The following PHF21A variants were observed in gnomAD, a reference collection of about 807,000 sequenced individuals.
PHF21A encodes the protein PHD finger protein 21A, also known as BHC80a.
In PHF21A, 11 loss-of-function variants were observed where a neutral mutation model predicts 82.5. The ratio of observed to expected loss-of-function variants is 0.13; its 90% CI spans 0.08 to 0.22. The LOEUF is 0.22. Ranked by LOEUF, PHF21A falls within the 10% of genes least tolerant of loss-of-function variation. The pLI is 1.00. For synonymous variants in PHF21A, 297 were observed against 302.8 expected (o/e 0.98, Z 0.20); for missense variants, 579 against 837.8 (o/e 0.69, Z 3.81).
At chr11:46,007,531 C>G (rs927861799) in intron 6 of PHF21A, among the ~76,000 whole-genome samples, 2 of 152,112 alleles carry the variant, frequency 1.3e-5, no homozygotes, top group Non-Finnish European at 2.9e-5. Flanking sequence ...CCAGGCTGGT[C>G]TCGAACTCCT....
intron 1 of PHF21A, among the ~76,000 whole-genome samples, chr11:46,092,979 C>T (rs1223554762): frequency 1.3e-5 from 2 of 151,836 alleles, no homozygotes. Context: ...GGTATCAAAC[C>T]CCTGGGCTCA....
chr11:46,006,517 T>C (rs1266765534), intron 6 of PHF21A, among the ~76,000 whole-genome samples: 3 of 152,266 alleles, frequency 2.0e-5, no homozygotes, highest in Non-Finnish European at 2.9e-5. Context: ...TCTAAAAGTT[T>C]ACTGCCACAT....
chr11:46,041,915 G>A (rs1301448303), intron 6 of PHF21A, among the ~76,000 whole-genome samples: 1 of 152,098 alleles, frequency 6.6e-6, no homozygotes, highest in Non-Finnish European at 1.5e-5. Context: ...AGTAAAGACA[G>A]AGCCCAGAAT....
intron 6 of PHF21A, among the ~76,000 whole-genome samples, chr11:46,052,764 T>C (rs1367345075): frequency 6.6e-6 from 1 of 152,358 alleles, no homozygotes; most frequent in Non-Finnish European, 1.5e-5. Flanking sequence ...CTAGTAAGTC[T>C]TTAAATATTT....
chr11:46,114,795 G>A (rs2097267756), intron 1 of PHF21A, among the ~76,000 whole-genome samples: 1 of 152,146 alleles, frequency 6.6e-6, no homozygotes, highest in South Asian at 2.1e-4. Context: ...TGGATCTGCA[G>A]CAGAAAAAAA....
intron 11 of PHF21A, 80 bp from the exon 12 acceptor site, chr11:45,950,337 AGGGAAAG>A: frequency 8.3e-7 from 1 of 1,211,232 alleles, no homozygotes; most frequent in Non-Finnish European, 1.2e-6. Context: ...GTAGGACATT[AGGGAAAG>A]CCAGCCCAAT....
chr11:46,004,019 T>A (rs2095226464), intron 6 of PHF21A, among the ~76,000 whole-genome samples: 1 of 152,190 alleles, frequency 6.6e-6, no homozygotes, highest in African/African-American at 2.4e-5. Context: ...GTGATATTTT[T>A]AGAAAAGTGG....
chr11:45,938,019 G>T, intron 16 of PHF21A, 138 bp downstream of exon 16: 1 of 681,590 alleles, frequency 1.5e-6, no homozygotes, highest in Non-Finnish European at 2.4e-6. Context: ...TGCGTGCTGT[G>T]TCATAAACAG....
chr11:46,013,845 GA>G, intron 6 of PHF21A, among the ~76,000 whole-genome samples: 1 of 152,210 alleles, frequency 6.6e-6, no homozygotes, highest in South Asian at 2.1e-4. Context: ...TACGAAAGAT[GA>G]AAAACGGTAA....
intron 6 of PHF21A, among the ~76,000 whole-genome samples, chr11:46,054,912 G>GA (rs1439748270): frequency 1.3e-5 from 2 of 152,040 alleles, no homozygotes; most frequent in African/African-American, 2.4e-5. Context: ...ATCAGATAAG[G>GA]AAAAAAAGTC....
At chr11:45,951,393 A>G (rs2092093254) in intron 11 of PHF21A, among the ~76,000 whole-genome samples, 1 of 152,240 alleles carries the variant, frequency 6.6e-6, no homozygotes, top group South Asian at 2.1e-4. Context: ...GAACATAGAA[A>G]TGTCATTTAC....
chr11:45,989,296 G>A (rs12418498), intron 6 of PHF21A, among the ~76,000 whole-genome samples: 16,220 of 152,052 alleles, frequency 0.11, 1,191 homozygotes, highest in Non-Finnish European at 0.15. Context: ...AAAGAGAGAG[G>A]TTCAGCATTG....
chr11:45,972,917 CA>C (rs1342425691), intron 7 of PHF21A, among the ~76,000 whole-genome samples: 62 of 128,802 alleles, frequency 4.8e-4, no homozygotes, highest in Admixed American at 7.1e-4. Flanking sequence ...GTCTCAAAAA[CA>C]AAAAAAAAAA....
At chr11:46,074,064 T>C (rs1413196661) in intron 6 of PHF21A, among the ~76,000 whole-genome samples, 4 of 151,498 alleles carry the variant, frequency 2.6e-5, no homozygotes, top group Admixed American at 6.6e-5. Flanking sequence ...CAACAGTGAA[T>C]AAGAACTAGT....
Position 46,093,383 on chromosome 11 carries a change from T to C in PHF21A, c.-236-1160A>G, listed in dbSNP as rs190899684. Reference sequence around the variant, plus strand: ...CAGATTGTAAATCTTTGTTTAACCATGTACAGTTATACCAAACATACGATA... The same window carrying C: ...CAGATTGTAAATCTTTGTTTAACCACGTACAGTTATACCAAACATACGATA... On this transcript the variant is annotated intron_variant, in intron 1 of 18. Transcript: ENST00000676320. Among the ~76,000 whole-genome samples the C allele has an allele frequency of 5.2e-3, 799 of 152,324 alleles. 3 individuals carry two copies. The highest frequency in any genetic ancestry group is 8.1e-3 in the Non-Finnish European group (550 of 68,026).
In PHF21A at chr11:46,079,041, T is replaced by G. The variant is rs2096760133; in HGVS notation, c.87+93A>C. 3 of 708,056 alleles carry G rather than the reference T, an allele frequency of 4.2e-6. No individual in the cohort carries two copies. The South Asian group carries it at 6.4e-5, about 15-fold the overall frequency. The allele number at this position is 708,056 out of a possible 1,614,324, so 43.9% of individuals were successfully genotyped here. A position where few individuals can be genotyped will look rare whatever the true frequency, so the allele number is the denominator to read the frequency against. On this transcript the variant is annotated intron_variant, in intron 5 of 18. Transcript: ENST00000676320. ...TTAGAAATGAAATAATTCTTAAAAG[T>G]TAAGTACCATCTATATTTAAGTATT...
chr11:45,970,021 G>A (rs559585143), intron 8 of PHF21A, 117 bp from the exon 9 acceptor site: 39 of 762,400 alleles, frequency 5.1e-5, no homozygotes, highest in Middle Eastern at 6.9e-4. Context: ...AGCTTTCATC[G>A]TAAGTTAATC....
chr11:45,955,274 T>C (rs962254093), intron 10 of PHF21A, among the ~76,000 whole-genome samples: 1 of 107,494 alleles, frequency 9.3e-6, no homozygotes, highest in Non-Finnish European at 1.9e-5. Context: ...CTCAAGTCTT[T>C]CTCTCTCCAA....
At chr11:46,098,708 C>T (rs958076119) in intron 1 of PHF21A, among the ~76,000 whole-genome samples, 4 of 152,144 alleles carry the variant, frequency 2.6e-5, no homozygotes, top group Admixed American at 2.6e-4. Flanking sequence ...AGGACTAAAA[C>T]TCTTGTCATT....
Sources: gnomAD v4.1 joint callset for allele counts (sites outside exome capture counted in the v4.1 genomes callset) on GRCh38, gnomAD v4.1.1 for gene constraint, MANE v1.5 for transcripts, NCBI Gene and HGNC (gene_info 2026-07-23, HGNC 2026-07-21) for gene names.